Variants in SLC7A11 observed in about 807,000 individuals in gnomAD.
SLC7A11 encodes the protein cystine/glutamate transporter.
In SLC7A11, 35 loss-of-function variants were observed where a neutral mutation model predicts 54.5. The ratio of observed to expected loss-of-function variants is 0.64; its 90% CI spans 0.49 to 0.85. SLC7A11 has a LOEUF of 0.85. Among genes scored for constraint, SLC7A11 ranks in the 40% least tolerant of loss-of-function variants. The pLI is 0.00. For synonymous variants in SLC7A11, 230 were observed against 225.2 expected, an observed-to-expected ratio of 1.02 and a Z score of -0.19; for missense variants, 583 against 618.1, an observed-to-expected ratio of 0.94 and a Z score of 0.60.
intron 5 of SLC7A11, among the ~76,000 whole-genome samples, chr4:138,218,564 A>T (rs1306304327): frequency 6.6e-6 from 1 of 152,250 alleles, no homozygotes; most frequent in Non-Finnish European, 1.5e-5. Context: ...CAAATAAGGT[A>T]CAAATACAAA....
chr4:138,226,431 A>T (rs1381739999), intron 3 of SLC7A11, among the ~76,000 whole-genome samples: 3 of 152,114 alleles, frequency 2.0e-5, no homozygotes, highest in Non-Finnish European at 2.9e-5. Flanking sequence ...AAAAAGATGA[A>T]TTTTTTTCAA....
chr4:138,186,549 A>C (rs966068609), intron 6 of SLC7A11, among the ~76,000 whole-genome samples: 1 of 152,106 alleles, frequency 6.6e-6, no homozygotes, highest in Non-Finnish European at 1.5e-5. Context: ...GAGGAAACAC[A>C]TTGACCTCTA....
rs753703294 is a variant in SLC7A11 at position 138,182,392 on chromosome 4, AC to A, written c.1020del (p.Arg340SerfsTer18). On this transcript the variant is annotated frameshift_variant and splice_region_variant, in exon 9 of 12. Coordinates refer to ENST00000280612, the MANE Select transcript of SLC7A11 (RefSeq NM_014331.4). LOFTEE classifies it high-confidence loss of function. Reference sequence around the variant, plus strand: ...CCCTCTCGAGACGCAACATAGAATAACCTGATGGGAGAGAAATGTGGGTGGA... The same window carrying A: ...CCCTCTCGAGACGCAACATAGAATAACTGATGGGAGAGAAATGTGGGTGGA... ...SMNGGVFAVS[R>X]LFYVASREGH... is the part of the protein sequence containing the mutation. The A allele has an allele frequency of 1.3e-6, 2 of 1,586,408 alleles. No individual in the cohort carries two copies. Among genetic ancestry groups the A allele is most frequent in the Non-Finnish European group, 1.7e-6 (2 of 1,155,482 alleles).
chr4:138,214,753 GA>G (rs1191160122), intron 5 of SLC7A11, 124 bp from the exon 6 acceptor site: 1 of 344,028 alleles, frequency 2.9e-6, no homozygotes, highest in East Asian at 5.2e-5. Flanking sequence ...ATAGTAAGAT[GA>G]AAATATCTAA....
chr4:138,206,687 T>A (rs984806878), intron 6 of SLC7A11, among the ~76,000 whole-genome samples: 1 of 151,866 alleles, frequency 6.6e-6, no homozygotes, highest in African/African-American at 2.4e-5. Flanking sequence ...CAGCCTTATA[T>A]GAACAAACTA....
intron 6 of SLC7A11, among the ~76,000 whole-genome samples, chr4:138,198,581 T>A (rs140692617): frequency 9.1e-4 from 138 of 152,308 alleles, no homozygotes; most frequent in African/African-American, 3.2e-3. Context: ...TAGCTATTGC[T>A]ATTGGGAGAG....
intron 6 of SLC7A11, among the ~76,000 whole-genome samples, chr4:138,211,123 G>A (rs1036927090): frequency 2.0e-5 from 3 of 151,996 alleles, no homozygotes; most frequent in African/African-American, 4.8e-5. Flanking sequence ...ATTATCCTAT[G>A]CAAATTAACA....
chr4:138,214,327 T>C (rs915681995), intron 6 of SLC7A11, among the ~76,000 whole-genome samples: 1 of 151,808 alleles, frequency 6.6e-6, no homozygotes, highest in African/African-American at 2.4e-5. Flanking sequence ...TATTATTTCC[T>C]ATTTTCAGGT....
At chr4:138,202,636 C>G (rs767705186) in intron 6 of SLC7A11, among the ~76,000 whole-genome samples, 3 of 152,080 alleles carry the variant, frequency 2.0e-5, no homozygotes, top group Non-Finnish European at 2.9e-5. Flanking sequence ...CCTTGTCAAA[C>G]TAGGTACTCG....
chr4:138,199,965 A>G (rs1006711066), intron 6 of SLC7A11, among the ~76,000 whole-genome samples: 5 of 152,140 alleles, frequency 3.3e-5, no homozygotes, highest in Admixed American at 6.6e-5. Context: ...ACTTACATAC[A>G]TTTAAAACAC....
At chr4:138,184,365 C>T (rs1050830159) in intron 7 of SLC7A11, among the ~76,000 whole-genome samples, 1 of 152,112 alleles carries the variant, frequency 6.6e-6, no homozygotes, top group African/African-American at 2.4e-5. Context: ...CTTAACTTTT[C>T]ACCATTCATT....
intron 11 of SLC7A11, chr4:138,176,200 C>G (rs1736566626): frequency 1.3e-5 from 2 of 152,232 alleles, no homozygotes; most frequent in South Asian, 4.1e-4. Flanking sequence ...AATGCTGCCT[C>G]AGAGAAAAAT....
At chr4:138,233,545 C>G (rs1373338723) in intron 2 of SLC7A11, among the ~76,000 whole-genome samples, 2 of 152,018 alleles carry the variant, frequency 1.3e-5, no homozygotes, top group African/African-American at 4.8e-5. Flanking sequence ...TCGTGGTTAC[C>G]CAACATTCAT....
intron 11 of SLC7A11, chr4:138,177,542 C>T (rs1395720914): frequency 6.6e-6 from 1 of 151,870 alleles, no homozygotes; most frequent in African/African-American, 2.4e-5. Flanking sequence ...CTTAGAAGTC[C>T]AGCAGATGTG....
intron 4 of SLC7A11, among the ~76,000 whole-genome samples, chr4:138,221,388 G>A (rs1236890590): frequency 6.6e-6 from 1 of 152,160 alleles, no homozygotes; most frequent in Non-Finnish European, 1.5e-5. Context: ...AGCACAATCT[G>A]TATTAACAAA....
rs900979080 is a variant in SLC7A11, at chr4:138,168,297, A to G, written c.*3659T>C. On this transcript the variant is annotated 3_prime_UTR_variant, in exon 12 of 12. Coordinates refer to ENST00000280612, the MANE Select transcript of SLC7A11 (RefSeq NM_014331.4). Reference sequence around the variant, plus strand: ...TATGCACAGCAAACAACTAATTTTTAATATTTCTCTGACTATATTGCATAA... The same window carrying G: ...TATGCACAGCAAACAACTAATTTTTGATATTTCTCTGACTATATTGCATAA... 1 of 152,200 alleles carries G rather than the reference A, an allele frequency of 6.6e-6. No homozygotes were observed. Among genetic ancestry groups the G allele is most frequent in the Non-Finnish European group, 1.5e-5 (1 of 68,036 alleles). The allele number at this position is 152,200 out of a possible 1,614,324, so 9.4% of individuals were successfully genotyped here. A position where few individuals can be genotyped will look rare whatever the true frequency, so the allele number is the denominator to read the frequency against.
intron 6 of SLC7A11, among the ~76,000 whole-genome samples, chr4:138,190,364 G>A (rs1736980454): frequency 6.6e-6 from 1 of 152,056 alleles, no homozygotes; most frequent in Non-Finnish European, 1.5e-5. Context: ...AATTGACATG[G>A]AGCTGTAATT....
Position 138,241,504 on chromosome 4 carries a change from G to C in SLC7A11, c.277+289C>G, listed in dbSNP as rs575691681. ...CAGAAAGTGTGCATGTTTTTTACTGGGTCATGAAAGTTAGCCTTTGCTCTC... is the reference window on the plus strand; with the variant it reads ...CAGAAAGTGTGCATGTTTTTTACTGCGTCATGAAAGTTAGCCTTTGCTCTC... On this transcript the variant is annotated intron_variant, in intron 1 of 11. Transcript: ENST00000280612. 3.9e-5 allele frequency among the ~76,000 whole-genome samples: 6 copies of C among 152,190 alleles called. No individual in the cohort carries two copies. The South Asian group carries it at 1.2e-3, about 32-fold the overall frequency.
intron 11 of SLC7A11, 113 bp from the exon 12 acceptor site, chr4:138,172,130 A>G: frequency 2.8e-6 from 3 of 1,062,138 alleles, no homozygotes; most frequent in Non-Finnish European, 3.9e-6. Flanking sequence ...TGTCTACTTC[A>G]TAGAGCACTT....
Sources: gnomAD v4.1 joint callset for allele counts (sites outside exome capture counted in the v4.1 genomes callset) on GRCh38, gnomAD v4.1.1 for gene constraint, MANE v1.5 for transcripts, NCBI Gene and HGNC (gene_info 2026-07-23, HGNC 2026-07-21) for gene names.